Variants in RNF20 observed in about 807,000 individuals in gnomAD.
The protein encoded by RNF20 is E3 ubiquitin-protein ligase BRE1A.
In RNF20, 84 loss-of-function variants were observed where a neutral mutation model predicts 126.2. That is an observed-to-expected ratio of 0.67 (90% CI 0.56 to 0.80). The LOEUF (loss-of-function observed/expected upper bound fraction) is 0.80, where lower values mean the gene tolerates loss of function less well. Among genes scored for constraint, RNF20 ranks in the 30% least tolerant of loss-of-function variants. The probability of loss-of-function intolerance (pLI) is 0.00; values close to 1 mark genes in which losing one functional copy is unlikely to be tolerated. For synonymous variants in RNF20, 400 were observed against 414.3 expected (o/e 0.97, Z 0.42); for missense variants, 869 against 1,188.2 (o/e 0.73, Z 3.95).
At chr9:101,560,571 CTT>C (rs1371362909) in intron 16 of RNF20, 2 of 331,124 alleles carry the variant, frequency 6.0e-6, no homozygotes, top group Admixed American at 9.1e-5. Flanking sequence ...GGAAAAGAAT[CTT>C]TTCAGTCATT....
chr9:101,538,853 G>T (rs994381621), intron 2 of RNF20, among the ~76,000 whole-genome samples: 3 of 152,124 alleles, frequency 2.0e-5, no homozygotes, highest in African/African-American at 7.2e-5. Flanking sequence ...TTTTCCACAT[G>T]CTGGTTCTTT....
intron 2 of RNF20, among the ~76,000 whole-genome samples, chr9:101,536,024 A>T (rs181672416): frequency 2.9e-3 from 443 of 152,296 alleles, no homozygotes; most frequent in Non-Finnish European, 4.1e-3. Flanking sequence ...GTAAAATGTA[A>T]TTAGAGTACC....
intron 9 of RNF20, among the ~76,000 whole-genome samples, chr9:101,548,425 G>A (rs1827388090): frequency 6.6e-6 from 1 of 152,144 alleles, no homozygotes; most frequent in Non-Finnish European, 1.5e-5. Flanking sequence ...AATTAATGCT[G>A]TATTGTGTAC....
At chr9:101,545,591 G>T (rs1387757386) in intron 6 of RNF20, among the ~76,000 whole-genome samples, 1 of 152,156 alleles carries the variant, frequency 6.6e-6, no homozygotes, top group African/African-American at 2.4e-5. Flanking sequence ...ATATGCCTTT[G>T]TTTACTAAAC....
At chr9:101,553,720 A>G (rs962806327) in intron 13 of RNF20, among the ~76,000 whole-genome samples, 12 of 152,192 alleles carry the variant, frequency 7.9e-5, no homozygotes, top group African/African-American at 2.4e-4. Context: ...ATTTGCCTAT[A>G]TAACAAGTAC....
chr9:101,539,003 G>T (rs928592966), intron 2 of RNF20, among the ~76,000 whole-genome samples: 1 of 152,158 alleles, frequency 6.6e-6, no homozygotes, highest in Admixed American at 6.6e-5. Flanking sequence ...AAGAGAACAG[G>T]ATCCTGAGCA....
chr9:101,537,474 A>G (rs1309804748), intron 2 of RNF20, among the ~76,000 whole-genome samples: 13 of 152,166 alleles, frequency 8.5e-5, no homozygotes, highest in Non-Finnish European at 1.3e-4. Context: ...ATGGATAGGT[A>G]GTTAATAAGC....
In RNF20 at chr9:101,547,495, A is replaced by G. The variant is rs1307085454; in HGVS notation, c.1069A>G (p.Thr357Ala). The G allele has an allele frequency of 6.2e-7, 1 of 1,614,048 alleles. No individual in the cohort carries two copies. Residue 357 changes from threonine (T) to alanine (A), a missense_variant, in exon 9 of 20, where the codon ACT (threonine) becomes GCT (alanine). This residue lies in a region of RNF20 where 153 missense variants were observed against 226.4 expected (regional missense o/e 0.68). Transcript: ENST00000389120. Reference protein sequence around the residue: ...EKLRQDFEEVTTQNEKLKVEL... With the variant: ...EKLRQDFEEVATQNEKLKVEL... The stretch of plus-strand genomic sequence containing the variant: ...ACTTCGGCAAGACTTTGAGGAGGTC[A>G]CTACACAAAATGAAAAGCTGAAGGT...
chr9:101,562,078 A>T, intron 19 of RNF20, 67 bp downstream of exon 19: 1 of 1,336,554 alleles, frequency 7.5e-7, no homozygotes, highest in Middle Eastern at 1.9e-4. Flanking sequence ...GACTGGGAGA[A>T]TAATTTGCAT....
At position 101,554,789 on chromosome 9, in the gene RNF20, G is replaced by A. The variant is rs1421611457; in HGVS notation, c.2115G>A (p.Arg705=). 4 of 1,573,456 alleles carry A rather than the reference G, an allele frequency of 2.5e-6. No homozygotes were observed. Among genetic ancestry groups the A allele is most frequent in the Non-Finnish European group, 3.5e-6 (4 of 1,155,384 alleles). The change falls in exon 15 of 20, where the codon CGG becomes CGA. Residue 705 remains arginine (R), a synonymous_variant. Coordinates refer to ENST00000389120, the MANE Select transcript of RNF20 (RefSeq NM_019592.7). ...MADEDALRKI[R]AVEEQIEYLQ... ...ATGAGGATGCCTTGAGGAAGATCCG[G>A]GCAGTGGAGGAGCAGATAGAATACC...
Position 101,547,598 on chromosome 9 carries a change from G to A in RNF20, c.1092+80G>A, listed in dbSNP as rs556381592. On this transcript the variant is annotated intron_variant, in intron 9 of 19. Coordinates refer to ENST00000389120, the MANE Select transcript of RNF20 (RefSeq NM_019592.7). ...CGTATATACATAGTTGTGAATCTGC[G>A]TATTCATGAGGGATAAGAAAAATGT... 88 of 1,485,410 alleles carry A rather than the reference G, an allele frequency of 5.9e-5. 1 individual carries two copies. The Middle Eastern group carries it at 7.0e-4, about 12-fold the overall frequency. The allele number at this position is 1,485,410 out of a possible 1,614,324, so 92.0% of individuals were successfully genotyped here. A position where few individuals can be genotyped will look rare whatever the true frequency, so the allele number is the denominator to read the frequency against.
intron 10 of RNF20, 84 bp from the exon 11 acceptor site, chr9:101,551,600 A>G: frequency 7.7e-7 from 1 of 1,292,396 alleles, no homozygotes; most frequent in Non-Finnish European, 1.0e-6. Context: ...TTGAACTGGA[A>G]ATTTTCAGAG....
Position 101,560,593 on chromosome 9 carries a change from C to A in RNF20, c.2383-208C>A, listed in dbSNP as rs568789990. The A allele has an allele frequency of 2.1e-5, 8 of 386,948 alleles. No homozygotes were observed. The South Asian group carries it at 3.5e-4, about 17-fold the overall frequency. The allele number at this position is 386,948 out of a possible 1,614,324, so 24.0% of individuals were successfully genotyped here. On this transcript the variant is annotated intron_variant, in intron 16 of 19. Coordinates refer to ENST00000389120, the MANE Select transcript of RNF20 (RefSeq NM_019592.7). ...AATCTTTTCAGTCATTTTTCAGACT[C>A]TTACTGAATCTTCCACAATATTTTA... is the stretch of plus-strand genomic sequence containing the variant.
chr9:101,538,560 G>C (rs916599356), intron 2 of RNF20, among the ~76,000 whole-genome samples: 2 of 152,138 alleles, frequency 1.3e-5, no homozygotes, highest in Admixed American at 6.5e-5. Flanking sequence ...GGGTGTGGAA[G>C]AGAAACAGCC....
Position 101,540,199 on chromosome 9 carries a change from G to C in RNF20, c.130-4G>C. The C allele has an allele frequency of 1.9e-6, 3 of 1,613,472 alleles. No homozygotes were observed. The highest frequency in any genetic ancestry group is 2.5e-6 in the Non-Finnish European group (3 of 1,179,518). ...GAGACTAATACGATTGGTTTACTGG[G>C]CAGGAGGAACTAGACATTAGAACAC... On this transcript the variant is annotated splice_polypyrimidine_tract_variant and splice_region_variant and intron_variant, in intron 2 of 19. Coordinates refer to ENST00000389120, the MANE Select transcript of RNF20 (RefSeq NM_019592.7).
At position 101,546,751 on chromosome 9, in the gene RNF20, A is replaced by G. The variant is rs542826150; in HGVS notation, c.748-69A>G. The G allele has an allele frequency of 8.5e-5, 129 of 1,515,972 alleles. No homozygotes were observed. In the African/African-American group the frequency reaches 1.2e-3, roughly 14 times the overall value. The allele number at this position is 1,515,972 out of a possible 1,614,324, so 93.9% of individuals were successfully genotyped here. On this transcript the variant is annotated intron_variant, in intron 6 of 19. Transcript: ENST00000389120. ...CTCTTTTCTATAATTACTCATAAGCAAGGGTTAATATTATGGAATTTGGTC... is the reference window on the plus strand; with the variant it reads ...CTCTTTTCTATAATTACTCATAAGCGAGGGTTAATATTATGGAATTTGGTC...
At chr9:101,540,161 T>G (rs774953342) in intron 2 of RNF20, 42 bp from the exon 3 acceptor site, 50 of 1,577,280 alleles carry the variant, frequency 3.2e-5, no homozygotes, top group Non-Finnish European at 4.2e-5. Flanking sequence ...CTCATTTTTC[T>G]TATTTCTTTG....
intron 2 of RNF20, among the ~76,000 whole-genome samples, chr9:101,539,321 G>A (rs1827226248): frequency 1.3e-5 from 2 of 152,298 alleles, no homozygotes; most frequent in South Asian, 4.1e-4. Context: ...AGCATACTGG[G>A]TACAGGAATG....
In RNF20 at chr9:101,554,714, A is replaced by G. The variant is rs763275823; in HGVS notation, c.2040A>G (p.Arg680=). 1.2e-5 allele frequency: 20 copies of G among 1,611,074 alleles called. No individual in the cohort carries two copies. The highest frequency in any genetic ancestry group is 1.7e-5 in the Non-Finnish European group (20 of 1,178,128). Residue 680 remains arginine, a synonymous_variant, in exon 15 of 20, where the codon AGA becomes AGG. Coordinates refer to ENST00000389120, the MANE Select transcript of RNF20 (RefSeq NM_019592.7). ...TATAGTTGGAAGATCTAAGGCAAAG[A>G]CTCAAGGATCTGGAAGATAAAGAGA... ...SKAELEDLRQ[R]LKDLEDKEKK... is the part of the protein sequence containing the mutation.
Sources: gnomAD v4.1 joint callset for allele counts (sites outside exome capture counted in the v4.1 genomes callset) on GRCh38, gnomAD v4.1.1 for gene constraint, gnomAD v4.1.1 regional missense constraint, MANE v1.5 for transcripts, NCBI Gene and HGNC (gene_info 2026-07-23, HGNC 2026-07-21) for gene names.